Variants in ALK observed in about 807,000 individuals in gnomAD.
ALK encodes the protein ALK receptor tyrosine kinase.
In ALK, 74 loss-of-function variants were observed where a neutral mutation model predicts 163.1. The observed-to-expected ratio is 0.45, with a 90% CI of 0.38 to 0.55. The LOEUF (loss-of-function observed/expected upper bound fraction) is 0.55. Ranked by LOEUF, ALK falls within the 20% of genes least tolerant of loss-of-function variation. The pLI is 0.00. For missense variants in ALK, 2,063 were observed against 2,105.3 expected, an observed-to-expected ratio of 0.98 and a Z score of 0.39; for synonymous variants, 960 against 843.2, an observed-to-expected ratio of 1.14 and a Z score of -2.40.
At chr2:29,221,838 G>A (rs180724361) in intron 22 of ALK, among the ~76,000 whole-genome samples, 2 of 152,258 alleles carry the variant, frequency 1.3e-5, no homozygotes, top group African/African-American at 4.8e-5. Flanking sequence ...CACAGCGGAC[G>A]CCCTCAGGAG....
rs75009612 is a variant in ALK at position 29,768,713 on chromosome 2, C to G, written c.668-51016G>C. On this transcript the variant is annotated intron_variant, in intron 1 of 28. Transcript: ENST00000389048. ...TATAATTTTATTAAATTATATATGTCTGTGTGTGTGTGTGTGTGTGTGTGT... is the reference window on the plus strand; with the variant it reads ...TATAATTTTATTAAATTATATATGTGTGTGTGTGTGTGTGTGTGTGTGTGT... 1.0e-3 allele frequency among the ~76,000 whole-genome samples: 148 copies of G among 142,956 alleles called. 3 individuals are homozygous for G. In the Middle Eastern group the frequency reaches 0.015, roughly 14 times the overall value. 93.8% of individuals were successfully genotyped at this position (142,956 alleles called of 152,430 possible).
At chr2:29,598,752 G>A (rs1207688694) in intron 3 of ALK, among the ~76,000 whole-genome samples, 1 of 152,196 alleles carries the variant, frequency 6.6e-6, no homozygotes, top group African/African-American at 2.4e-5. Context: ...GCCTTGAGAT[G>A]ATGGGAGCAT....
chr2:29,619,162 T>A (rs752840139), intron 3 of ALK, among the ~76,000 whole-genome samples: 3 of 152,202 alleles, frequency 2.0e-5, no homozygotes, highest in Non-Finnish European at 4.4e-5. Context: ...TAGTACCAAG[T>A]AACTGATCAC....
At chr2:29,241,751 C>A (rs1664529528) in intron 12 of ALK, among the ~76,000 whole-genome samples, 1 of 152,058 alleles carries the variant, frequency 6.6e-6, no homozygotes, top group South Asian at 2.1e-4. Context: ...GTGCCAGGCA[C>A]AATGCATGCT....
At chr2:29,619,961 C>T (rs1041601565) in intron 3 of ALK, among the ~76,000 whole-genome samples, 2 of 152,262 alleles carry the variant, frequency 1.3e-5, no homozygotes, top group South Asian at 4.1e-4. Context: ...CTAGCAGCCC[C>T]GAGGGATGCC....
intron 9 of ALK, among the ~76,000 whole-genome samples, chr2:29,279,334 C>T (rs904645272): frequency 1.3e-5 from 2 of 152,204 alleles, no homozygotes; most frequent in African/African-American, 4.8e-5. Context: ...CCTCTGTCCA[C>T]CCGGGGCCAC....
chr2:29,232,235 C>T (rs894706038), intron 15 of ALK, 69 bp downstream of exon 15: 49 of 1,592,642 alleles, frequency 3.1e-5, no homozygotes, highest in Admixed American at 8.3e-5. Flanking sequence ...CTCAGGCATG[C>T]GATGGCATCG....
chr2:29,472,640 G>T (rs7592915), intron 4 of ALK, among the ~76,000 whole-genome samples: 77,417 of 151,936 alleles, frequency 0.51, 20,727 homozygotes, highest in South Asian at 0.62. Flanking sequence ...AAAATAAAAT[G>T]ATCAACTAGA....
intron 1 of ALK, among the ~76,000 whole-genome samples, chr2:29,799,152 G>A (rs1217408294): frequency 6.6e-6 from 1 of 152,138 alleles, no homozygotes; most frequent in Non-Finnish European, 1.5e-5. Flanking sequence ...CACCAGCCAG[G>A]TTACTATAAA....
rs143131714 is a variant in ALK, at chr2:29,275,599, A to G, written c.1818-103T>C. On this transcript the variant is annotated intron_variant, in intron 9 of 28. Transcript: ENST00000389048. ...TGCTGATCACCTGGCTCAGAATGTG[A>G]GTTTGAAAAAGGCTCGCTAATCCCA... 5 of 1,201,684 alleles carry G rather than the reference A, an allele frequency of 4.2e-6. No individual in the cohort carries two copies. In the East Asian group the frequency reaches 1.2e-4, roughly 28 times the overall value. The allele number at this position is 1,201,684 out of a possible 1,614,324, so 74.4% of individuals were successfully genotyped here.
chr2:29,368,787 T>C (rs139324890), intron 5 of ALK, among the ~76,000 whole-genome samples: 3 of 152,154 alleles, frequency 2.0e-5, no homozygotes, highest in Admixed American at 2.0e-4. Flanking sequence ...GTTTGGAGTA[T>C]CCCATGGATC....
intron 9 of ALK, among the ~76,000 whole-genome samples, chr2:29,291,325 C>T (rs1666017251): frequency 6.6e-6 from 1 of 152,092 alleles, no homozygotes; most frequent in South Asian, 2.1e-4. Context: ...GATCATGCCA[C>T]TGCACTCCAG....
At chr2:29,908,499 T>C (rs984132189) in intron 1 of ALK, among the ~76,000 whole-genome samples, 3 of 152,216 alleles carry the variant, frequency 2.0e-5, no homozygotes, top group Non-Finnish European at 4.4e-5. Context: ...ATTACCTCCT[T>C]CTGGAAGTGT....
intron 1 of ALK, among the ~76,000 whole-genome samples, chr2:29,722,169 C>T (rs1279842166): frequency 2.0e-5 from 3 of 152,188 alleles, no homozygotes; most frequent in African/African-American, 7.2e-5. Context: ...CCTTATTTTC[C>T]AAACTGTAGA....
chr2:29,612,338 T>C (rs2148222334), intron 3 of ALK, among the ~76,000 whole-genome samples: 1 of 152,338 alleles, frequency 6.6e-6, no homozygotes, highest in Non-Finnish European at 1.5e-5. Context: ...TTTTAAAGTC[T>C]TTATCTGGGT....
intron 5 of ALK, among the ~76,000 whole-genome samples, chr2:29,352,249 A>G (rs933853801): frequency 6.6e-6 from 1 of 152,218 alleles, no homozygotes; most frequent in Non-Finnish European, 1.5e-5. Flanking sequence ...CCCTTTGTAA[A>G]CTGTCAGGAG....
chr2:29,860,510 C>T (rs867940724), intron 1 of ALK, among the ~76,000 whole-genome samples: 1 of 151,922 alleles, frequency 6.6e-6, no homozygotes, highest in African/African-American at 2.4e-5. Flanking sequence ...TGGACACAAA[C>T]TAAGACTTTA....
Position 29,223,474 on chromosome 2 carries a change from G to C in ALK, c.3227C>G (p.Pro1076Arg), listed in dbSNP as rs750171788. 1.2e-6 allele frequency: 2 copies of C among 1,614,166 alleles called. No individual in the cohort carries two copies. The highest frequency in any genetic ancestry group is 2.2e-5 in the South Asian group (2 of 91,084). Reference sequence around the variant, plus strand: ...GCGGAGCTTGCTCAGCTTGTACTCAGGGCTCTGCAGCTCCATCTGCATGGC... The same window carrying C: ...GCGGAGCTTGCTCAGCTTGTACTCACGGCTCTGCAGCTCCATCTGCATGGC... Reference protein sequence around the residue: ...LQAMQMELQSPEYKLSKLRTS... With the variant: ...LQAMQMELQSREYKLSKLRTS... Residue 1076 changes from proline to arginine, a missense_variant, in exon 20 of 29, where the codon CCT (proline) becomes CGT (arginine). Around this residue, in one of 5 missense-constraint regions of ALK, gnomAD observed 575 missense variants for 626.6 expected, o/e 0.92. Coordinates refer to ENST00000389048, the MANE Select transcript of ALK (RefSeq NM_004304.5).
chr2:29,504,686 T>A (rs1573409383), intron 4 of ALK, among the ~76,000 whole-genome samples: 2 of 151,016 alleles, frequency 1.3e-5, no homozygotes, highest in Non-Finnish European at 3.0e-5. Context: ...AAGGGTGGAG[T>A]AAAATGGAGA....
Sources: gnomAD v4.1 joint callset for allele counts (sites outside exome capture counted in the v4.1 genomes callset) on GRCh38, gnomAD v4.1.1 for gene constraint, gnomAD v4.1.1 regional missense constraint, MANE v1.5 for transcripts, NCBI Gene and HGNC (gene_info 2026-07-23, HGNC 2026-07-21) for gene names.